Variants in CSMD1 observed in about 807,000 individuals in gnomAD.
CSMD1 encodes the protein CUB and sushi domain-containing protein 1.
In CSMD1, 213 loss-of-function variants were observed where a neutral mutation model predicts 417.5. That is an observed-to-expected ratio of 0.51 (90% CI 0.46 to 0.57). The LOEUF is 0.57. Ranked by LOEUF, CSMD1 falls within the 20% of genes least tolerant of loss-of-function variation. The probability of loss-of-function intolerance (pLI) is 0.00; values close to 1 mark genes in which losing one functional copy is unlikely to be tolerated. For missense variants in CSMD1, 6,923 were observed against 4,529.7 expected (o/e 1.53, Z -15.17); for synonymous variants, 2,862 against 1,736.8 (o/e 1.65, Z -16.11).
chr8:3,438,360 A>T (rs1451687777), intron 12 of CSMD1, among the ~76,000 whole-genome samples: 2 of 152,180 alleles, frequency 1.3e-5, no homozygotes, highest in African/African-American at 4.8e-5. Flanking sequence ...CAGGTGAGAT[A>T]CAGAACATGT....
At position 3,031,745 on chromosome 8, in the gene CSMD1, C is replaced by G. The variant is rs182501422; in HGVS notation, c.7661-2232G>C. The stretch of plus-strand genomic sequence containing the variant: ...CAACGGAATCAGACAATTTTTTGAG[C>G]TGATACCATCTACAGTATCAATTTC... On this transcript the variant is annotated intron_variant, in intron 50 of 69. Coordinates refer to ENST00000635120, the MANE Select transcript of CSMD1 (RefSeq NM_033225.6). Among the ~76,000 whole-genome samples, 671 of 152,046 alleles carry G rather than the reference C, an allele frequency of 4.4e-3. 7 individuals are homozygous for G. Among genetic ancestry groups the G allele is most frequent in the African/African-American group, 0.015 (638 of 41,518 alleles).
intron 5 of CSMD1, among the ~76,000 whole-genome samples, chr8:3,941,131 A>G (rs1289439746): frequency 6.6e-6 from 1 of 152,046 alleles, no homozygotes; most frequent in Non-Finnish European, 1.5e-5. Context: ...TCATATGTAT[A>G]CAGTTAAGAA....
chr8:4,266,770 A>C lies in CSMD1; in HGVS notation c.415+153183T>G, dbSNP rs1383355733. ...ATTTGATGATCTATAAATCCTCAAA[A>C]TAGTAGCACAGAGAATCTAGATGAA... On this transcript the variant is annotated intron_variant, in intron 3 of 69. Transcript: ENST00000635120. Among the ~76,000 whole-genome samples, 12 of 105,202 alleles carry C rather than the reference A, an allele frequency of 1.1e-4. 2 individuals are homozygous for C. The highest frequency in any genetic ancestry group is 2.9e-4 in the African/African-American group (11 of 38,560). 69.0% of individuals were successfully genotyped at this position (105,202 alleles called of 152,430 possible).
At chr8:4,217,538 C>T (rs1271383934) in intron 3 of CSMD1, among the ~76,000 whole-genome samples, 2 of 151,978 alleles carry the variant, frequency 1.3e-5, no homozygotes, top group East Asian at 3.9e-4. Context: ...GTGGAAGTGT[C>T]TTCTTGAATA....
At chr8:3,079,944 A>G (rs1287516228) in intron 49 of CSMD1, among the ~76,000 whole-genome samples, 1 of 152,202 alleles carries the variant, frequency 6.6e-6, no homozygotes, top group African/African-American at 2.4e-5. Flanking sequence ...TGGCCATGCT[A>G]TGTAGAAGCA....
chr8:4,226,417 A>G (rs1801360867), intron 3 of CSMD1, among the ~76,000 whole-genome samples: 1 of 152,336 alleles, frequency 6.6e-6, no homozygotes, highest in Non-Finnish European at 1.5e-5. Context: ...ATAAAACATA[A>G]CATGCAGAAT....
At chr8:4,183,026 A>C (rs992899445) in intron 3 of CSMD1, among the ~76,000 whole-genome samples, 4 of 152,218 alleles carry the variant, frequency 2.6e-5, no homozygotes, top group African/African-American at 9.7e-5. Context: ...GGATGAGTAG[A>C]AAGTACACGT....
intron 1 of CSMD1, among the ~76,000 whole-genome samples, chr8:4,748,208 T>C (rs531972046): frequency 6.6e-6 from 1 of 152,320 alleles, no homozygotes; most frequent in Non-Finnish European, 1.5e-5. Flanking sequence ...TCAAATTCCT[T>C]TCTCTTAAAT....
intron 26 of CSMD1, chr8:3,279,233 G>C (rs1343899770): frequency 6.6e-6 from 1 of 152,204 alleles, no homozygotes; most frequent in Non-Finnish European, 1.5e-5. Flanking sequence ...GAGAGCACGA[G>C]GGAATATAAT....
chr8:3,449,512 T>C (rs895006305), intron 12 of CSMD1, among the ~76,000 whole-genome samples: 1 of 150,660 alleles, frequency 6.6e-6, no homozygotes, highest in African/African-American at 2.4e-5. Context: ...ATACCTCTCA[T>C]GACAGCAATT....
At chr8:3,463,279 G>A (rs1298048867) in intron 12 of CSMD1, among the ~76,000 whole-genome samples, 1 of 152,080 alleles carries the variant, frequency 6.6e-6, no homozygotes, top group African/African-American at 2.4e-5. Context: ...TGCTACACAA[G>A]TCACCAACTC....
intron 26 of CSMD1, among the ~76,000 whole-genome samples, chr8:3,237,141 T>C (rs1383494013): frequency 6.6e-6 from 1 of 151,746 alleles, no homozygotes; most frequent in African/African-American, 2.4e-5. Flanking sequence ...CCAATCTTTT[T>C]GCAACTAGAT....
chr8:4,491,783 T>C (rs1418561471), intron 2 of CSMD1, among the ~76,000 whole-genome samples: 1 of 152,120 alleles, frequency 6.6e-6, no homozygotes, highest in African/African-American at 2.4e-5. Context: ...GAACGCAGAA[T>C]GGTAGAGTCA....
At chr8:3,361,105 T>A (rs1385068590) in intron 20 of CSMD1, among the ~76,000 whole-genome samples, 1 of 152,204 alleles carries the variant, frequency 6.6e-6, no homozygotes, top group African/African-American at 2.4e-5. Flanking sequence ...TAATTTGACT[T>A]ATGCATAGTA....
chr8:4,537,369 C>T lies in CSMD1; in HGVS notation c.302+99973G>A, dbSNP rs148353023. ...AGATTATTATATAAAGAAAGTTGTG[C>T]TAATTCTGTAGGGCAATGTAATATT... On this transcript the variant is annotated intron_variant, in intron 2 of 69. Coordinates refer to ENST00000635120, the MANE Select transcript of CSMD1 (RefSeq NM_033225.6). Among the ~76,000 whole-genome samples, 2 of 152,062 alleles carry T rather than the reference C, an allele frequency of 1.3e-5. 1 individual carries two copies. The highest frequency in any genetic ancestry group is 4.1e-4 in the South Asian group (2 of 4,824).
At chr8:4,642,573 G>A (rs1218664791) in intron 1 of CSMD1, among the ~76,000 whole-genome samples, 3 of 152,130 alleles carry the variant, frequency 2.0e-5, no homozygotes, top group Non-Finnish European at 2.9e-5. Context: ...TTCTACACCT[G>A]GATGAAACTG....
At chr8:3,362,374 G>A (rs867545912) in intron 20 of CSMD1, among the ~76,000 whole-genome samples, 7 of 152,004 alleles carry the variant, frequency 4.6e-5, no homozygotes, top group African/African-American at 1.2e-4. Flanking sequence ...TGTGACCTCC[G>A]GATGCAAAAA....
intron 5 of CSMD1, among the ~76,000 whole-genome samples, chr8:3,970,546 G>A (rs576084079): frequency 1.3e-5 from 2 of 152,132 alleles, no homozygotes; most frequent in African/African-American, 2.4e-5. Flanking sequence ...CCTGAAGCCA[G>A]ATCTTAGTGA....
At chr8:4,404,346 C>T (rs1029147339) in intron 3 of CSMD1, among the ~76,000 whole-genome samples, 1 of 151,878 alleles carries the variant, frequency 6.6e-6, no homozygotes, top group African/African-American at 2.4e-5. Context: ...GAATTAAGAC[C>T]CATGAGCGCA....
Sources: gnomAD v4.1 joint callset for allele counts (sites outside exome capture counted in the v4.1 genomes callset) on GRCh38, gnomAD v4.1.1 for gene constraint, MANE v1.5 for transcripts, NCBI Gene and HGNC (gene_info 2026-07-23, HGNC 2026-07-21) for gene names.